The following GLMN variants were observed in gnomAD, a reference collection of about 807,000 sequenced individuals.
GLMN encodes glomulin, FKBP associated protein, also known as glomulin.
Under a neutral mutation model 87.8 loss-of-function variants are expected in GLMN, and 75 were observed. That is an observed-to-expected ratio of 0.85 (90% confidence interval 0.71 to 1.04). GLMN has a LOEUF of 1.04. GLMN is among the 50% of genes least tolerant of loss of function. GLMN has a pLI of 0.00. For missense variants in GLMN, 588 were observed against 658.8 expected (o/e 0.89, Z 1.18); for synonymous variants, 206 against 221.6 (o/e 0.93, Z 0.63).
chr1:92,300,339 A>C, upstream of GLMN: 1 of 900,718 alleles, frequency 1.1e-6, no homozygotes, highest in Non-Finnish European at 1.8e-6. Flanking sequence ...TTTTTTAGAG[A>C]AAATTATCAT....
At chr1:92,268,042 T>TCAA in intron 10 of GLMN, 40 bp from the exon 11 acceptor site, 1 of 1,386,042 alleles carries the variant, frequency 7.2e-7, no homozygotes, top group East Asian at 2.3e-5. Flanking sequence ...TATAGTGAAG[T>TCAA]CAACAGCTGT....
chr1:92,247,801 C>A, intron 17 of GLMN, 77 bp downstream of exon 17: 1 of 740,514 alleles, frequency 1.4e-6, no homozygotes, highest in South Asian at 1.4e-5. Flanking sequence ...TTAAAAAGTT[C>A]TTAAATTTGA....
rs1469684411 is a variant in GLMN at position 92,289,069 on chromosome 1, A to G, written c.477T>C (p.Val159=). The change falls in exon 6 of 19, where the codon GTT becomes GTC. Residue 159 remains valine, a synonymous_variant. Transcript: ENST00000370360. The part of the protein sequence containing the change: ...TLWNQLSLLP[V]PYSKEQIQMD... ...TTTGTATTTGTTCTTTTGAGTATGGAACAGGAAGAAGAGATAGCTGATTCC... is the reference window on the plus strand; with the variant it reads ...TTTGTATTTGTTCTTTTGAGTATGGGACAGGAAGAAGAGATAGCTGATTCC... 6.2e-7 allele frequency: 1 copy of G among 1,611,794 alleles called. No individual in the cohort carries two copies. Among genetic ancestry groups the G allele is most frequent in the Non-Finnish European group, 8.5e-7 (1 of 1,177,920 alleles).
chr1:92,270,824 T>C (rs1323095306), intron 8 of GLMN, among the ~76,000 whole-genome samples: 2 of 152,132 alleles, frequency 1.3e-5, no homozygotes, highest in African/African-American at 4.8e-5. Flanking sequence ...ATTTTAAGCA[T>C]ATACAAAGGC....
At chr1:92,285,057 G>A (rs1434645754) in intron 7 of GLMN, among the ~76,000 whole-genome samples, 4 of 152,114 alleles carry the variant, frequency 2.6e-5, no homozygotes, top group Non-Finnish European at 4.4e-5. Flanking sequence ...ACAGTGTGGC[G>A]ATTCCTCAAG....
At chr1:92,312,969 G>A in the GLMN span, among the ~76,000 whole-genome samples, 2 of 152,104 alleles carry the variant, frequency 1.3e-5, no homozygotes, top group East Asian at 1.9e-4. Context: ...AGGCTCAAGC[G>A]ATTCTCATGC....
chr1:92,246,966 T>A lies in GLMN; in HGVS notation c.1668+96A>T, dbSNP rs549417197. The A allele has an allele frequency of 4.4e-5, 34 of 777,386 alleles. No homozygotes were observed. The South Asian group carries it at 4.5e-4, about 10-fold the overall frequency. The allele number at this position is 777,386 out of a possible 1,614,324, so 48.2% of individuals were successfully genotyped here. The stretch of plus-strand genomic sequence containing the variant: ...TGAGCCCAGGGAGTTGAAGCTGCAG[T>A]GAGCCACAATCATGCCACTGCACTC... On this transcript the variant is annotated intron_variant, in intron 18 of 18. Coordinates refer to ENST00000370360, the MANE Select transcript of GLMN (RefSeq NM_053274.3).
At chr1:92,296,126 G>C (rs1650021316) in intron 3 of GLMN, among the ~76,000 whole-genome samples, 1 of 152,070 alleles carries the variant, frequency 6.6e-6, no homozygotes, top group Non-Finnish European at 1.5e-5. Flanking sequence ...AAAAGTTTTA[G>C]GAATCCCCCA....
chr1:92,290,177 T>C, intron 5 of GLMN, 21 bp downstream of exon 5: 1 of 1,284,592 alleles, frequency 7.8e-7, no homozygotes, highest in Non-Finnish European at 1.1e-6. Flanking sequence ...AGAAGTACTC[T>C]GATATCAAAA....
chr1:92,254,193 T>C (rs1297971574), intron 16 of GLMN, among the ~76,000 whole-genome samples: 1 of 151,936 alleles, frequency 6.6e-6, no homozygotes, highest in African/African-American at 2.4e-5. Flanking sequence ...CTTAATGAAA[T>C]AAAGTGTGAA....
intron 13 of GLMN, among the ~76,000 whole-genome samples, chr1:92,265,323 C>CAAAAAAAAAAAAAAAAAAAAAA (rs67154270): frequency 1.1e-5 from 1 of 87,486 alleles, no homozygotes. Flanking sequence ...AGCTTAATTG[C>CAAAAAAAAAAAAAAAAAAAAAA]AAAAAAAAAA....
At chr1:92,272,245 A>G (rs1656312999) in intron 7 of GLMN, among the ~76,000 whole-genome samples, 1 of 152,208 alleles carries the variant, frequency 6.6e-6, no homozygotes, top group African/African-American at 2.4e-5. Flanking sequence ...CTGTAGCCCA[A>G]TGAGACCCTG....
intron 7 of GLMN, among the ~76,000 whole-genome samples, chr1:92,281,044 T>G (rs1243811597): frequency 2.0e-5 from 3 of 152,276 alleles, no homozygotes; most frequent in Non-Finnish European, 2.9e-5. Flanking sequence ...AAAACACTCT[T>G]CAGGATATTA....
At chr1:92,257,860 C>T (rs976147274) in intron 16 of GLMN, among the ~76,000 whole-genome samples, 6 of 152,086 alleles carry the variant, frequency 3.9e-5, no homozygotes, top group African/African-American at 1.2e-4. Flanking sequence ...TGGGCAAAGA[C>T]TTCATGACTA....
chr1:92,261,013 A>T (rs1161924920), intron 16 of GLMN, among the ~76,000 whole-genome samples: 1 of 152,162 alleles, frequency 6.6e-6, no homozygotes, highest in African/African-American at 2.4e-5. Context: ...TCTTTTTGTC[A>T]GGCAAGTCAG....
chr1:92,324,798 A>G, the GLMN span, among the ~76,000 whole-genome samples: 6 of 152,188 alleles, frequency 3.9e-5, no homozygotes, highest in African/African-American at 1.4e-4. Flanking sequence ...GAAAATATTT[A>G]GCAAGCATGT....
intron 16 of GLMN, among the ~76,000 whole-genome samples, chr1:92,252,725 C>A (rs1653685751): frequency 6.6e-6 from 1 of 152,074 alleles, no homozygotes; most frequent in Non-Finnish European, 1.5e-5. Context: ...ATAAATACTA[C>A]AAAGAAAATC....
chr1:92,367,085 G>A, the GLMN span, among the ~76,000 whole-genome samples: 3 of 152,102 alleles, frequency 2.0e-5, no homozygotes, highest in Non-Finnish European at 4.4e-5. Flanking sequence ...TGTGATAAAG[G>A]TCTCCACTTT....
At chr1:92,357,533 T>C in the GLMN span, among the ~76,000 whole-genome samples, 1 of 152,124 alleles carries the variant, frequency 6.6e-6, no homozygotes, top group Non-Finnish European at 1.5e-5. Context: ...GTTGTACTGA[T>C]GGATTTTTTT....
Sources: allele counts gnomAD v4.1 joint callset (sites outside exome capture counted in the v4.1 genomes callset), GRCh38; gene constraint gnomAD v4.1.1; transcripts MANE v1.5; gene names NCBI Gene and HGNC (gene_info 2026-07-23, HGNC 2026-07-21).